ME3: variants seen among roughly 807,000 people sequenced by gnomAD.
ME3 encodes NADP-dependent malic enzyme, mitochondrial.
In ME3, 48 loss-of-function variants were observed where a neutral mutation model predicts 68.9. That is an observed-to-expected ratio of 0.70 (90% CI 0.55 to 0.89). The LOEUF (loss-of-function observed/expected upper bound fraction) is 0.89. Ranked by LOEUF, ME3 falls within the 40% of genes least tolerant of loss-of-function variation. ME3 has a pLI of 0.00. For missense variants in ME3, 675 were observed against 797.4 expected (o/e 0.85, Z 1.85); for synonymous variants, 320 against 318.8 (o/e 1.00, Z -0.04).
intron 2 of ME3, among the ~76,000 whole-genome samples, chr11:86,624,802 A>G (rs1481492710): frequency 6.6e-6 from 1 of 152,194 alleles, no homozygotes; most frequent in African/African-American, 2.4e-5. Flanking sequence ...GGGCAAGTGG[A>G]CTGCTCTAAG....
At chr11:86,509,197 G>A (rs1157051873) in intron 4 of ME3, among the ~76,000 whole-genome samples, 1 of 151,990 alleles carries the variant, frequency 6.6e-6, no homozygotes, top group East Asian at 1.9e-4. Context: ...TGATTCCAGG[G>A]ACTGTTTGGG....
intron 4 of ME3, among the ~76,000 whole-genome samples, chr11:86,519,269 C>G (rs184733986): frequency 1.5e-4 from 23 of 152,344 alleles, no homozygotes; most frequent in Admixed American, 1.4e-3. Flanking sequence ...AATTACATCA[C>G]TATCTTCAGT....
chr11:86,581,140 A>G (rs753389022), intron 2 of ME3, among the ~76,000 whole-genome samples: 2 of 151,960 alleles, frequency 1.3e-5, no homozygotes, highest in African/African-American at 4.8e-5. Context: ...CTAAAAAAAT[A>G]TATAGATTTC....
chr11:86,536,569 A>G (rs35291772), intron 4 of ME3, among the ~76,000 whole-genome samples: 10,276 of 140,070 alleles, frequency 0.073, 388 homozygotes, highest in Middle Eastern at 0.1. Context: ...AGAAATGCAA[A>G]TCAAAACCAC....
intron 7 of ME3, among the ~76,000 whole-genome samples, chr11:86,475,874 T>TATATAGAGAGAGAGAGAGAG: frequency 6.2e-4 from 57 of 91,450 alleles, no homozygotes; most frequent in Admixed American, 9.2e-4. Context: ...TATATATATA[T>TATATAGAGAGAGAGAGAGAG]AGAGAGAGAG....
At chr11:86,511,381 C>T (rs1953514204) in intron 4 of ME3, among the ~76,000 whole-genome samples, 1 of 152,188 alleles carries the variant, frequency 6.6e-6, no homozygotes, top group Non-Finnish European at 1.5e-5. Flanking sequence ...GGTCTTTTTC[C>T]ATTCCTTTAT....
chr11:86,620,495 G>T (rs1444166170), intron 2 of ME3, among the ~76,000 whole-genome samples: 1 of 152,178 alleles, frequency 6.6e-6, no homozygotes, highest in Non-Finnish European at 1.5e-5. Flanking sequence ...GAATCAACTT[G>T]TTAGGATGAC....
intron 6 of ME3, among the ~76,000 whole-genome samples, chr11:86,487,641 G>A (rs1951774450): frequency 6.6e-6 from 1 of 152,154 alleles, no homozygotes; most frequent in Non-Finnish European, 1.5e-5. Flanking sequence ...TGGACTCTTA[G>A]ATGGTCCTCA....
chr11:86,634,615 G>A (rs913848321), intron 2 of ME3, among the ~76,000 whole-genome samples: 2 of 152,154 alleles, frequency 1.3e-5, no homozygotes, highest in Non-Finnish European at 2.9e-5. Flanking sequence ...CTGGGGTATT[G>A]TCTACTATGC....
chr11:86,541,102 C>G (rs1460017770), intron 4 of ME3, among the ~76,000 whole-genome samples: 1 of 150,846 alleles, frequency 6.6e-6, no homozygotes, highest in South Asian at 2.1e-4. Context: ...ACAGTGCACT[C>G]TGGCCCAGAT....
At chr11:86,548,786 TA>T (rs1280653600) in intron 4 of ME3, among the ~76,000 whole-genome samples, 2 of 152,106 alleles carry the variant, frequency 1.3e-5, no homozygotes, top group African/African-American at 4.8e-5. Flanking sequence ...GGGGAGGGAT[TA>T]TAGGTCACGC....
chr11:86,603,162 G>A lies in ME3; in HGVS notation c.184-43339C>T, dbSNP rs546268609. On this transcript the variant is annotated intron_variant, in intron 2 of 14. Coordinates refer to ENST00000543262, the Ensembl canonical transcript of ME3. ...AAACTACCATCAGAGTGAACAGGCAGCCTACAAAATGGGAGAAAATTTTCG... is the reference window on the plus strand; with the variant it reads ...AAACTACCATCAGAGTGAACAGGCAACCTACAAAATGGGAGAAAATTTTCG... Among the ~76,000 whole-genome samples, 515 of 152,098 alleles carry A rather than the reference G, an allele frequency of 3.4e-3. 1 individual carries two copies. The highest frequency in any genetic ancestry group is 0.011 in the African/African-American group (477 of 41,498).
At chr11:86,608,925 T>C (rs932451279) in intron 2 of ME3, among the ~76,000 whole-genome samples, 1 of 152,220 alleles carries the variant, frequency 6.6e-6, no homozygotes, top group Non-Finnish European at 1.5e-5. Context: ...TTTTGGATAA[T>C]GGATAACAAT....
At chr11:86,523,702 A>G (rs1954504454) in intron 4 of ME3, among the ~76,000 whole-genome samples, 2 of 152,092 alleles carry the variant, frequency 1.3e-5, no homozygotes, top group South Asian at 4.1e-4. Flanking sequence ...TATACATGCA[A>G]TTTTCACTAA....
chr11:86,646,344 GAGA>G (rs1945014261), intron 2 of ME3, among the ~76,000 whole-genome samples: 1 of 152,196 alleles, frequency 6.6e-6, no homozygotes, highest in Admixed American at 6.5e-5. Flanking sequence ...AACCAGTTTA[GAGA>G]AGAACATAAA....
intron 2 of ME3, among the ~76,000 whole-genome samples, chr11:86,600,284 AAGGC>A (rs1231598553): frequency 1.3e-5 from 2 of 152,230 alleles, no homozygotes; most frequent in African/African-American, 2.4e-5. Context: ...GAAAACAAAA[AAGGC>A]AGGGGTTGCA....
At chr11:86,508,842 T>G (rs771622668) in exon 5 of ME3, 2 of 1,613,668 alleles carry the variant, frequency 1.2e-6, no homozygotes, top group East Asian at 2.2e-5. Context: ...AGATGACCTT[T>G]GTCATGAATG....
At chr11:86,566,665 A>G (rs1053507154) in intron 2 of ME3, among the ~76,000 whole-genome samples, 5 of 152,202 alleles carry the variant, frequency 3.3e-5, no homozygotes, top group Admixed American at 2.0e-4. Context: ...AGGCTAAGCA[A>G]GAGAGGTTAC....
chr11:86,659,263 G>GT (rs1245466691), intron 2 of ME3, among the ~76,000 whole-genome samples: 2 of 152,156 alleles, frequency 1.3e-5, no homozygotes, highest in East Asian at 1.9e-4. Context: ...TAATATTCAA[G>GT]TTTTTTTATG....
Sources: allele counts gnomAD v4.1 joint callset (sites outside exome capture counted in the v4.1 genomes callset), GRCh38; gene constraint gnomAD v4.1.1; transcripts MANE v1.5; gene names NCBI Gene and HGNC (gene_info 2026-07-23, HGNC 2026-07-21).